The following SCAMP1 variants were observed in gnomAD, a reference collection of about 807,000 sequenced individuals.
SCAMP1 encodes the protein secretory carrier membrane protein 1.
SCAMP1 carries 15 observed loss-of-function variants against 41.8 expected under a neutral mutation model. The observed-to-expected ratio is 0.36, with a 90% confidence interval of 0.24 to 0.55. The LOEUF (loss-of-function observed/expected upper bound fraction) is 0.55. Ranked by LOEUF, SCAMP1 falls within the 20% of genes least tolerant of loss-of-function variation. The pLI, the probability that SCAMP1 is intolerant of heterozygous loss-of-function variation, is 0.86. For synonymous variants in SCAMP1, 135 were observed against 136.8 expected (o/e 0.99, Z 0.09); for missense variants, 341 against 412.6 (o/e 0.83, Z 1.50).
intron 1 of SCAMP1, among the ~76,000 whole-genome samples, chr5:78,367,641 A>G (rs1750831484): frequency 1.3e-5 from 2 of 152,238 alleles, no homozygotes; most frequent in Admixed American, 1.3e-4. Context: ...AGATTTTAAA[A>G]GGAGTGGCAA....
chr5:78,380,455 G>A (rs1243498898), intron 1 of SCAMP1, among the ~76,000 whole-genome samples: 2 of 152,186 alleles, frequency 1.3e-5, no homozygotes, highest in Non-Finnish European at 2.9e-5. Flanking sequence ...TGTCAGTAGA[G>A]TATGTCAGAC....
chr5:78,428,010 G>A (rs114981639), intron 6 of SCAMP1, among the ~76,000 whole-genome samples: 2,121 of 152,156 alleles, frequency 0.014, 45 homozygotes, highest in African/African-American at 0.042. Flanking sequence ...TGGCTTCTTA[G>A]TGGTGCCTTA....
At chr5:78,456,804 C>T (rs1292689245) in intron 7 of SCAMP1, among the ~76,000 whole-genome samples, 2 of 124,236 alleles carry the variant, frequency 1.6e-5, no homozygotes, top group African/African-American at 3.4e-5. Flanking sequence ...CCATTCTCCC[C>T]ATCACTTTCA....
chr5:78,386,131 C>T (rs1751334505), intron 1 of SCAMP1, among the ~76,000 whole-genome samples: 1 of 151,972 alleles, frequency 6.6e-6, no homozygotes, highest in Non-Finnish European at 1.5e-5. Context: ...AAATTTGGGA[C>T]CTCCAGTGTT....
At chr5:78,426,335 G>A (rs1046794030) in intron 6 of SCAMP1, among the ~76,000 whole-genome samples, 3 of 152,120 alleles carry the variant, frequency 2.0e-5, no homozygotes, top group Non-Finnish European at 4.4e-5. Context: ...TGATCAAATG[G>A]TATTTCTGGT....
chr5:78,463,671 G>A (rs1345985355), intron 8 of SCAMP1, among the ~76,000 whole-genome samples: 1 of 152,114 alleles, frequency 6.6e-6, no homozygotes, highest in Non-Finnish European at 1.5e-5. Flanking sequence ...GTATAAAATG[G>A]GCAAATATAT....
chr5:78,388,810 T>C (rs772633582), intron 1 of SCAMP1, 27 bp from the exon 2 acceptor site: 6 of 1,252,822 alleles, frequency 4.8e-6, no homozygotes, highest in Non-Finnish European at 4.5e-6. Flanking sequence ...AAGTAATCTT[T>C]TTTTTCTCCT....
chr5:78,366,937 A>C (rs994102428), intron 1 of SCAMP1, among the ~76,000 whole-genome samples: 1 of 145,670 alleles, frequency 6.9e-6, no homozygotes, highest in Non-Finnish European at 1.5e-5. Context: ...AAAAAAAAAA[A>C]CCCAAAAAAC....
intron 2 of SCAMP1, among the ~76,000 whole-genome samples, chr5:78,403,950 C>CAAAAAAAAAAA (rs61249151): frequency 8.1e-5 from 4 of 49,334 alleles, no homozygotes; most frequent in Non-Finnish European, 1.4e-4. Context: ...GACTCTGTCT[C>CAAAAAAAAAAA]AAAAAAAAAA....
chr5:78,363,791 G>A (rs1461312936), intron 1 of SCAMP1, among the ~76,000 whole-genome samples: 5 of 152,068 alleles, frequency 3.3e-5, no homozygotes. Context: ...TTCTTGTAAG[G>A]CTATTTGCTG....
intron 7 of SCAMP1, among the ~76,000 whole-genome samples, chr5:78,457,279 A>C (rs1314365141): frequency 6.6e-6 from 1 of 152,008 alleles, no homozygotes; most frequent in Non-Finnish European, 1.5e-5. Flanking sequence ...TAGAGTTTCC[A>C]GTTTTTCTGT....
chr5:78,363,014 T>C (rs934099950), intron 1 of SCAMP1, among the ~76,000 whole-genome samples: 43 of 150,828 alleles, frequency 2.9e-4, no homozygotes, highest in African/African-American at 1.0e-3. Context: ...TGCCTCAACC[T>C]CCCTAGTAGC....
Position 78,421,767 on chromosome 5 carries a change from CTTTCTT to C in SCAMP1, c.473-28_473-23del. 8 of 1,553,280 alleles carry C rather than the reference CTTTCTT, an allele frequency of 5.2e-6. No individual in the cohort carries two copies. In the East Asian group the frequency reaches 1.4e-4, roughly 27 times the overall value. On this transcript the variant is annotated intron_variant, in intron 5 of 8. Transcript: ENST00000621999. ...ATGAATTCATAAATTGAATGTAAAT[CTTTCTT>C]TTTCTATTTTGTTTTCTGATTCCAC...
intron 1 of SCAMP1, among the ~76,000 whole-genome samples, chr5:78,366,920 CAAAA>C (rs70998000): frequency 0.02 from 2,192 of 111,520 alleles, 50 homozygotes; most frequent in African/African-American, 0.077. Context: ...GACCCTGTCT[CAAAA>C]AAAAAAAAAA....
chr5:78,434,468 A>G (rs1301732640), intron 6 of SCAMP1, among the ~76,000 whole-genome samples: 3 of 152,106 alleles, frequency 2.0e-5, no homozygotes, highest in Non-Finnish European at 2.9e-5. Flanking sequence ...GAGATATAGG[A>G]AAGTTCCTTC....
At chr5:78,461,753 G>A (rs113024930) in intron 8 of SCAMP1, among the ~76,000 whole-genome samples, 4,324 of 152,008 alleles carry the variant, frequency 0.028, 221 homozygotes, top group African/African-American at 0.097. Context: ...TAGCAGAGAC[G>A]GGATTTCACC....
intron 2 of SCAMP1, among the ~76,000 whole-genome samples, chr5:78,411,511 T>C (rs1752076277): frequency 1.3e-5 from 2 of 152,322 alleles, no homozygotes; most frequent in Non-Finnish European, 2.9e-5. Flanking sequence ...CATCTTATTT[T>C]AAAATAGGAA....
chr5:78,439,369 T>C (rs551655974), intron 6 of SCAMP1, among the ~76,000 whole-genome samples: 1 of 152,364 alleles, frequency 6.6e-6, no homozygotes, highest in African/African-American at 2.4e-5. Flanking sequence ...TTTTTTTCCA[T>C]GTTTAGTGCT....
At chr5:78,447,868 TTCC>T (rs1561280576) in intron 6 of SCAMP1, among the ~76,000 whole-genome samples, 3 of 56,284 alleles carry the variant, frequency 5.3e-5, no homozygotes, top group African/African-American at 7.3e-5. Context: ...CCTGCCCCCC[TTCC>T]CCTACCCCTT....
Sources: allele counts gnomAD v4.1 joint callset (sites outside exome capture counted in the v4.1 genomes callset), GRCh38; gene constraint gnomAD v4.1.1; transcripts MANE v1.5; gene names NCBI Gene and HGNC (gene_info 2026-07-23, HGNC 2026-07-21).